VKORC1L1: variants seen among roughly 807,000 people sequenced by gnomAD.
VKORC1L1 encodes vitamin K epoxide reductase complex subunit 1L1.
A neutral mutation model predicts 18.9 loss-of-function variants in VKORC1L1; 2 were observed. That is an observed-to-expected ratio of 0.11 (90% CI 0.04 to 0.33). The LOEUF (loss-of-function observed/expected upper bound fraction) is 0.33. VKORC1L1 is among the 10% of genes least tolerant of loss of function. The probability of loss-of-function intolerance (pLI) is 1.00; values close to 1 mark genes in which losing one functional copy is unlikely to be tolerated. For missense variants in VKORC1L1, 123 were observed against 224.1 expected (o/e 0.55, Z 2.88); for synonymous variants, 96 against 100.0 (o/e 0.96, Z 0.24).
intron 1 of VKORC1L1, among the ~76,000 whole-genome samples, chr7:65,883,602 T>G (rs2116338845): frequency 6.6e-6 from 1 of 152,168 alleles, no homozygotes; most frequent in Admixed American, 6.5e-5. Context: ...CAGTTTCAAG[T>G]GATTCTCCTG....
chr7:65,880,253 G>A (rs1417600037), intron 1 of VKORC1L1, among the ~76,000 whole-genome samples: 2 of 152,142 alleles, frequency 1.3e-5, no homozygotes, highest in East Asian at 3.8e-4. Flanking sequence ...GCCAGTTTCT[G>A]TATCTATGTG....
intron 1 of VKORC1L1, among the ~76,000 whole-genome samples, chr7:65,946,653 T>G (rs1297295855): frequency 2.0e-5 from 3 of 152,174 alleles, no homozygotes; most frequent in Non-Finnish European, 2.9e-5. Flanking sequence ...AATCTGGCAT[T>G]TGTTTACCTG....
upstream of VKORC1L1, among the ~76,000 whole-genome samples, chr7:65,868,275 T>C (rs751429235): frequency 5.9e-5 from 9 of 152,012 alleles, no homozygotes; most frequent in Non-Finnish European, 1.0e-4. Context: ...GGCAACATAA[T>C]GAGACCCCCA....
intron 1 of VKORC1L1, among the ~76,000 whole-genome samples, chr7:65,897,160 G>A (rs1212939550): frequency 6.6e-6 from 1 of 152,204 alleles, no homozygotes; most frequent in Non-Finnish European, 1.5e-5. Context: ...TGATAGAAAA[G>A]ACCAACAACT....
intron 1 of VKORC1L1, among the ~76,000 whole-genome samples, chr7:65,914,227 A>G (rs1437340719): frequency 6.6e-6 from 1 of 152,030 alleles, no homozygotes; most frequent in Non-Finnish European, 1.5e-5. Flanking sequence ...CTGAGTAGCC[A>G]AAGCTACAGG....
chr7:65,888,642 T>G (rs554012238), intron 1 of VKORC1L1, among the ~76,000 whole-genome samples: 2 of 151,798 alleles, frequency 1.3e-5, no homozygotes, highest in African/African-American at 4.8e-5. Context: ...GTGAGGGGGG[T>G]GCAGGGGGGA....
Position 65,873,583 on chromosome 7 carries a change from G to A in VKORC1L1, c.194+18G>A, listed in dbSNP as rs1311071360. On this transcript the variant is annotated intron_variant, in intron 1 of 2. Coordinates refer to ENST00000360768, the MANE Select transcript of VKORC1L1 (RefSeq NM_173517.6). ...GCCTCCAGGTAGCCGGCTTGGGGGA[G>A]TGGGCCAGGAGCGGCCGAGCGGGGC... is the stretch of plus-strand genomic sequence containing the variant. 3 of 1,522,194 alleles carry A rather than the reference G, an allele frequency of 2.0e-6. No individual in the cohort carries two copies. The highest frequency in any genetic ancestry group is 1.2e-5 in the South Asian group (1 of 83,546). 94.3% of individuals were successfully genotyped at this position (1,522,194 alleles called of 1,614,324 possible).
At chr7:65,872,842 C>T (rs1466492618), upstream of VKORC1L1, among the ~76,000 whole-genome samples, 1 of 152,064 alleles carries the variant, frequency 6.6e-6, no homozygotes, top group Admixed American at 6.5e-5. Flanking sequence ...TTGCCATCCC[C>T]AGAGGGAGGG....
chr7:65,908,193 A>G (rs559703649), intron 1 of VKORC1L1, among the ~76,000 whole-genome samples: 2 of 152,264 alleles, frequency 1.3e-5, no homozygotes, highest in East Asian at 3.9e-4. Context: ...CGGGCAGATC[A>G]CCTGAGGTCA....
At chr7:65,944,652 C>T (rs1166499286) in intron 1 of VKORC1L1, among the ~76,000 whole-genome samples, 1 of 151,640 alleles carries the variant, frequency 6.6e-6, no homozygotes, top group Admixed American at 6.6e-5. Context: ...CACAGTAACT[C>T]ACACCTGTAA....
At chr7:65,878,971 A>G (rs1178149827) in intron 1 of VKORC1L1, among the ~76,000 whole-genome samples, 1 of 152,206 alleles carries the variant, frequency 6.6e-6, no homozygotes, top group Non-Finnish European at 1.5e-5. Context: ...TTTGAAAGAT[A>G]ACAAAGCATG....
Position 65,904,408 on chromosome 7 carries a change from T to C in VKORC1L1, c.194+30843T>C, listed in dbSNP as rs564082667. ...TTAGTAGAGATGGGGTTTCACCATGTTGGCCAGGCTGGTCTCAAACTCCTG... is the reference window on the plus strand; with the variant it reads ...TTAGTAGAGATGGGGTTTCACCATGCTGGCCAGGCTGGTCTCAAACTCCTG... On this transcript the variant is annotated intron_variant, in intron 1 of 2. Coordinates refer to ENST00000360768, the MANE Select transcript of VKORC1L1 (RefSeq NM_173517.6). Among the ~76,000 whole-genome samples, 5 of 152,300 alleles carry C rather than the reference T, an allele frequency of 3.3e-5. No homozygotes were observed. The East Asian group carries it at 7.7e-4, about 23-fold the overall frequency.
At chr7:65,920,644 A>G (rs1278402571) in intron 1 of VKORC1L1, among the ~76,000 whole-genome samples, 2 of 152,142 alleles carry the variant, frequency 1.3e-5, no homozygotes, top group East Asian at 3.9e-4. Flanking sequence ...ATGAGAATTA[A>G]GTAGCTTCTG....
intron 1 of VKORC1L1, among the ~76,000 whole-genome samples, chr7:65,890,966 A>G (rs1230566185): frequency 6.6e-6 from 1 of 152,202 alleles, no homozygotes; most frequent in African/African-American, 2.4e-5. Flanking sequence ...TAATTTCCAG[A>G]AAGAAGCTGC....
chr7:65,910,012 G>T (rs1789477465), intron 1 of VKORC1L1, among the ~76,000 whole-genome samples: 1 of 151,938 alleles, frequency 6.6e-6, no homozygotes, highest in Non-Finnish European at 1.5e-5. Context: ...CACCGTGCCT[G>T]GCCTTGTTTT....
rs1361311937 is a variant in VKORC1L1 at position 65,956,818 on chromosome 7, A to G, written c.*2518A>G. ...AGACTGAATATTTGAACACTGCAGC[A>G]TTACTAGCCACCAGTGTTAAAGGAC... On this transcript the variant is annotated 3_prime_UTR_variant, in exon 3 of 3. Transcript: ENST00000360768. The G allele has an allele frequency of 1.3e-5, 2 of 152,214 alleles. No individual in the cohort carries two copies. The highest frequency in any genetic ancestry group is 2.4e-5 in the African/African-American group (1 of 41,462). The allele number at this position is 152,214 out of a possible 1,614,324, so 9.4% of individuals were successfully genotyped here. A position where few individuals can be genotyped will look rare whatever the true frequency, so the allele number is the denominator to read the frequency against.
intron 1 of VKORC1L1, among the ~76,000 whole-genome samples, chr7:65,932,450 T>A (rs562457951): frequency 1.6e-4 from 25 of 152,302 alleles, no homozygotes; most frequent in African/African-American, 6.0e-4. Flanking sequence ...TTTTAAACTT[T>A]CCTTTCTAAT....
chr7:65,948,241 T>G (rs941009686), intron 1 of VKORC1L1, among the ~76,000 whole-genome samples: 1 of 151,980 alleles, frequency 6.6e-6, no homozygotes, highest in East Asian at 1.9e-4. Context: ...CTGTTAGTTA[T>G]GTAATGCACA....
At chr7:65,908,089 C>T (rs1257581469) in intron 1 of VKORC1L1, among the ~76,000 whole-genome samples, 2 of 152,186 alleles carry the variant, frequency 1.3e-5, no homozygotes, top group African/African-American at 4.8e-5. Context: ...CTATACCCTT[C>T]AAATTTGTAT....
Sources: gnomAD v4.1 joint callset for allele counts (sites outside exome capture counted in the v4.1 genomes callset) on GRCh38, gnomAD v4.1.1 for gene constraint, MANE v1.5 for transcripts, NCBI Gene and HGNC (gene_info 2026-07-23, HGNC 2026-07-21) for gene names.